The following NECAP1 variants were observed in gnomAD, a reference collection of about 807,000 sequenced individuals.
The protein encoded by NECAP1 is NECAP endocytosis associated 1, also known as adaptin ear-binding coat-associated protein 1.
In NECAP1, 13 loss-of-function variants were observed where a neutral mutation model predicts 33.4. The observed-to-expected ratio is 0.39, with a 90% CI of 0.25 to 0.62. The LOEUF is 0.62. Among genes scored for constraint, NECAP1 ranks in the 20% least tolerant of loss-of-function variants. NECAP1 has a pLI of 0.52. For synonymous variants in NECAP1, 109 were observed against 125.2 expected, an observed-to-expected ratio of 0.87 and a Z score of 0.86; for missense variants, 272 against 347.4, an observed-to-expected ratio of 0.78 and a Z score of 1.73.
At position 8,096,906 on chromosome 12, in the gene NECAP1, C is replaced by T. The variant is rs1174698657; in HGVS notation, c.*816C>T. ...TTCTTGCAGCTCCATCTGGTTGCTG[C>T]ATTTGAAGCATGGCATTAATTTGTA... On this transcript the variant is annotated 3_prime_UTR_variant, in exon 8 of 8. Coordinates refer to ENST00000339754, the MANE Select transcript of NECAP1 (RefSeq NM_015509.4). 6.6e-6 allele frequency: 1 copy of T among 152,630 alleles called. No individual in the cohort carries two copies. The highest frequency in any genetic ancestry group is 1.5e-5 in the Non-Finnish European group (1 of 68,058). The allele number at this position is 152,630 out of a possible 1,614,324, so 9.5% of individuals were successfully genotyped here. A position where few individuals can be genotyped will look rare whatever the true frequency, so the allele number is the denominator to read the frequency against.
chr12:8,089,871 A>G, intron 1 of NECAP1, 65 bp from the exon 2 acceptor site: 1 of 1,165,174 alleles, frequency 8.6e-7, no homozygotes, highest in Non-Finnish European at 1.3e-6. Flanking sequence ...ATACAGTCAA[A>G]GATTGTGGGT....
intron 6 of NECAP1, among the ~76,000 whole-genome samples, chr12:8,094,997 C>A (rs914246001): frequency 6.6e-6 from 1 of 152,138 alleles, no homozygotes; most frequent in Non-Finnish European, 1.5e-5. Context: ...CAGCATGTAA[C>A]CTTTGGGACA....
At chr12:8,092,150 A>AT (rs1361040079) in intron 4 of NECAP1, 7 of 393,738 alleles carry the variant, frequency 1.8e-5, no homozygotes, top group African/African-American at 1.5e-4. Flanking sequence ...GCAGGGCTTT[A>AT]TGTGGGGAGT....
chr12:8,087,074 C>T (rs1006236723), intron 1 of NECAP1, among the ~76,000 whole-genome samples: 15 of 151,518 alleles, frequency 9.9e-5, no homozygotes, highest in Admixed American at 2.0e-4. Context: ...CTCTATAATG[C>T]GTTTCAGTGT....
intron 1 of NECAP1, among the ~76,000 whole-genome samples, chr12:8,088,437 C>T (rs1437726622): frequency 6.6e-6 from 1 of 152,184 alleles, no homozygotes; most frequent in East Asian, 1.9e-4. Flanking sequence ...CTAAATATAT[C>T]CTTCTCTTCT....
rs559775818 is a variant in NECAP1, at chr12:8,092,260, C to G, written c.383+410C>G. 2.2e-4 allele frequency: 61 copies of G among 280,040 alleles called. No homozygotes were observed. In the South Asian group the frequency reaches 2.2e-3, roughly 10 times the overall value. The allele number at this position is 280,040 out of a possible 1,614,324, so 17.3% of individuals were successfully genotyped here. The stretch of plus-strand genomic sequence containing the variant: ...TTTGGTGCAGCTGTGGTTGACAGCA[C>G]TGTGCACACTGTCAGCTTCCTACCT... On this transcript the variant is annotated intron_variant, in intron 4 of 7. Transcript: ENST00000339754.
chr12:8,092,265 CACA>C, intron 4 of NECAP1: 2 of 278,082 alleles, frequency 7.2e-6, no homozygotes. Flanking sequence ...CAGCACTGTG[CACA>C]CTGTCAGCTT....
In NECAP1 at chr12:8,090,021, G is replaced by A. The variant is rs749344633; in HGVS notation, c.181G>A (p.Glu61Lys). The A allele has an allele frequency of 3.7e-6, 6 of 1,613,832 alleles. No individual in the cohort carries two copies. The South Asian group carries it at 4.4e-5, about 12-fold the overall frequency. The change falls in exon 2 of 8, where the codon GAG (glutamate) becomes AAG (lysine). Residue 61 changes from glutamate to lysine, a missense_variant. Glu to Lys is a moderately conservative substitution (Grantham distance 56). Coordinates refer to ENST00000339754, the MANE Select transcript of NECAP1 (RefSeq NM_015509.4). The part of the protein sequence containing the change: ...SKGKTAYIKL[E>K]DKVSGELFAQ... Reference sequence around the variant, plus strand: ...AGGGAAGACTGCCTATATCAAACTCGAGGATAAAGTTTCAGGTAATCTTTG... The same window carrying A: ...AGGGAAGACTGCCTATATCAAACTCAAGGATAAAGTTTCAGGTAATCTTTG...
intron 1 of NECAP1, among the ~76,000 whole-genome samples, chr12:8,088,367 G>T (rs1345903676): frequency 6.6e-6 from 1 of 152,056 alleles, no homozygotes; most frequent in Admixed American, 6.6e-5. Flanking sequence ...TAAACACCTT[G>T]GAGTTGTCCT....
intron 1 of NECAP1, among the ~76,000 whole-genome samples, chr12:8,084,600 C>G (rs116297505): frequency 2.6e-5 from 4 of 151,940 alleles, no homozygotes; most frequent in African/African-American, 4.8e-5. Context: ...TGTGCCCATG[C>G]GTTCTCACTG....
chr12:8,089,237 G>A (rs1234739264), intron 1 of NECAP1: 3 of 151,978 alleles, frequency 2.0e-5, no homozygotes, highest in East Asian at 1.9e-4. Flanking sequence ...GTGAAAGATA[G>A]TATATTTACT....
intron 6 of NECAP1, among the ~76,000 whole-genome samples, chr12:8,094,034 A>G (rs1477015940): frequency 1.3e-5 from 2 of 152,188 alleles, no homozygotes; most frequent in Admixed American, 1.3e-4. Context: ...AATTTTTCTG[A>G]GATTAGAGAA....
chr12:8,094,296 T>G (rs1947575286), intron 6 of NECAP1, among the ~76,000 whole-genome samples: 1 of 152,202 alleles, frequency 6.6e-6, no homozygotes, highest in Non-Finnish European at 1.5e-5. Flanking sequence ...GAGATCCTGT[T>G]TACCCTTTTC....
intron 1 of NECAP1, 48 bp downstream of exon 1, chr12:8,082,431 A>G (rs1947448148): frequency 2.0e-6 from 3 of 1,532,508 alleles, no homozygotes; most frequent in Non-Finnish European, 2.7e-6. Flanking sequence ...GTCGCAGATG[A>G]CAGCTTCCTT....
rs765193489 is a variant in NECAP1, at chr12:8,082,295, A to G, written c.7A>G (p.Thr3Ala). The G allele has an allele frequency of 2.6e-5, 41 of 1,593,378 alleles. No homozygotes were observed. The highest frequency in any genetic ancestry group is 3.4e-5 in the Non-Finnish European group (40 of 1,162,800). MATELEYESVLCV... is the reference protein window; with the variant it reads MAAELEYESVLCV... The stretch of plus-strand genomic sequence containing the variant: ...CGCCGACAGCGGACCCAAGATGGCG[A>G]CCGAGTTGGAGTACGAGTCTGTGCT... The change falls in exon 1 of 8, where the codon ACC (threonine) becomes GCC (alanine). Residue 3 changes from threonine (T) to alanine (A), a missense_variant. Thr to Ala is a moderately conservative substitution (Grantham distance 58). Transcript: ENST00000339754.
chr12:8,092,110 T>C (rs1253001189), intron 4 of NECAP1: 1 of 458,290 alleles, frequency 2.2e-6, no homozygotes, highest in Admixed American at 3.7e-5. Context: ...GCCCCGTCTT[T>C]TAGGTGGTAG....
intron 3 of NECAP1, 185 bp from the exon 4 acceptor site, chr12:8,091,584 G>A (rs1236907548): frequency 2.0e-5 from 12 of 594,022 alleles, no homozygotes; most frequent in Admixed American, 2.8e-5. Flanking sequence ...GACAGGAGGC[G>A]GAGCTCAGGT....
rs781756949 is a variant in NECAP1, at chr12:8,092,894, G to A, written c.515G>A (p.Gly172Asp). 2 of 1,571,246 alleles carry A rather than the reference G, an allele frequency of 1.3e-6. No individual in the cohort carries two copies. Among genetic ancestry groups the A allele is most frequent in the Admixed American group, 1.9e-5 (1 of 52,782 alleles). Residue 172 changes from glycine (G) to aspartate (D), a missense_variant, in exon 6 of 8, where the codon GGT (glycine) becomes GAT (aspartate). Physicochemically the swap from Gly to Asp is moderately conservative, Grantham distance 94. Coordinates refer to ENST00000339754, the MANE Select transcript of NECAP1 (RefSeq NM_015509.4). ...TAGAACATTACAAACAAGAAAGGAG[G>A]TGCTTCTAAGCCCAGGACTGCAAGG... ...CIGNITNKKG[G>D]ASKPRTARGG...
chr12:8,095,777 A>C (rs1222860598), intron 7 of NECAP1, 74 bp downstream of exon 7: 3 of 1,428,556 alleles, frequency 2.1e-6, no homozygotes, highest in Non-Finnish European at 2.9e-6. Context: ...GAAATCTTTG[A>C]TCTGGAGAAG....
Sources: gnomAD v4.1 joint callset for allele counts (sites outside exome capture counted in the v4.1 genomes callset) on GRCh38, gnomAD v4.1.1 for gene constraint, MANE v1.5 for transcripts, NCBI Gene and HGNC (gene_info 2026-07-23, HGNC 2026-07-21) for gene names.